The following GPR158 variants were observed in gnomAD, a reference collection of about 807,000 sequenced individuals.
GPR158 encodes metabotropic glycine receptor.
GPR158 carries 30 observed loss-of-function variants against 78.2 expected under a neutral mutation model. The observed-to-expected ratio is 0.38, with a 90% CI of 0.29 to 0.52. The LOEUF (loss-of-function observed/expected upper bound fraction) is 0.52, where lower values mean the gene tolerates loss of function less well. Among genes scored for constraint, GPR158 ranks in the 20% least tolerant of loss-of-function variants. The probability of loss-of-function intolerance (pLI) is 0.83; values close to 1 mark genes in which losing one functional copy is unlikely to be tolerated. For missense variants in GPR158, 1,463 were observed against 1,523.5 expected (o/e 0.96, Z 0.66); for synonymous variants, 581 against 591.1 (o/e 0.98, Z 0.25).
chr10:25,412,186 C>T lies in GPR158; in HGVS notation c.1112-64C>T, dbSNP rs560076818. 1,050 of 1,096,586 alleles carry T rather than the reference C, an allele frequency of 9.6e-4. 1 individual carries two copies. The highest frequency in any genetic ancestry group is 1.3e-3 in the Non-Finnish European group (937 of 709,862). The allele number at this position is 1,096,586 out of a possible 1,614,324, so 67.9% of individuals were successfully genotyped here. A position where few individuals can be genotyped will look rare whatever the true frequency, so the allele number is the denominator to read the frequency against. On this transcript the variant is annotated intron_variant, in intron 3 of 10. Transcript: ENST00000376351. ...GAGGAGTCACGGATGTCTTTTGACT[C>T]TATACTCAATCTTACCTACCTAAGA...
intron 2 of GPR158, among the ~76,000 whole-genome samples, chr10:25,377,299 T>G (rs181035420): frequency 2.0e-5 from 3 of 152,124 alleles, no homozygotes; most frequent in African/African-American, 7.2e-5. Flanking sequence ...TCATGTATGT[T>G]TGTTTCTGCA....
intron 8 of GPR158, among the ~76,000 whole-genome samples, chr10:25,593,406 A>T (rs1266094921): frequency 6.6e-6 from 1 of 152,088 alleles, no homozygotes; most frequent in Non-Finnish European, 1.5e-5. Flanking sequence ...TTAGGATGTT[A>T]ACTTTGCACA....
intron 4 of GPR158, among the ~76,000 whole-genome samples, chr10:25,465,830 G>T (rs1001549867): frequency 1.3e-5 from 2 of 152,170 alleles, no homozygotes; most frequent in East Asian, 3.9e-4. Flanking sequence ...AGAAATACAG[G>T]CAAGATCTCG....
intron 3 of GPR158, among the ~76,000 whole-genome samples, chr10:25,411,441 T>C (rs1326276545): frequency 6.6e-6 from 1 of 152,192 alleles, no homozygotes; most frequent in Non-Finnish European, 1.5e-5. Flanking sequence ...ATGAGATCCC[T>C]GATGAATGAA....
At chr10:25,596,531 A>G in intron 9 of GPR158, 112 bp from the exon 10 acceptor site, 2 of 692,244 alleles carry the variant, frequency 2.9e-6, no homozygotes, top group Non-Finnish European at 2.5e-6. Flanking sequence ...AGATAGATAG[A>G]TCTAGGTATA....
chr10:25,414,513 A>G (rs1834633890), intron 4 of GPR158, among the ~76,000 whole-genome samples: 1 of 152,184 alleles, frequency 6.6e-6, no homozygotes, highest in Non-Finnish European at 1.5e-5. Flanking sequence ...AATAAAGTGA[A>G]TGAACATAGA....
At chr10:25,576,987 A>AAAAAAAAG (rs10665400) in intron 7 of GPR158, among the ~76,000 whole-genome samples, 1 of 144,510 alleles carries the variant, frequency 6.9e-6, no homozygotes. Flanking sequence ...AAAAAAAAAA[A>AAAAAAAAG]GTCAGGGCAC....
intron 2 of GPR158, among the ~76,000 whole-genome samples, chr10:25,328,927 C>CAAAAAAAAAAAA (rs3054026): frequency 5.6e-5 from 5 of 89,072 alleles, no homozygotes; most frequent in African/African-American, 2.3e-4. Flanking sequence ...AACTTCATCA[C>CAAAAAAAAAAAA]AAAAAAAAAA....
At chr10:25,212,780 C>T (rs773352740) in intron 1 of GPR158, among the ~76,000 whole-genome samples, 56 of 151,716 alleles carry the variant, frequency 3.7e-4, no homozygotes, top group South Asian at 2.1e-4. Flanking sequence ...TACAGGCGCC[C>T]GCCACCATGT....
rs527659510 is a variant in GPR158, at chr10:25,514,706, G to C, written c.1405-36270G>C. 2.0e-5 allele frequency among the ~76,000 whole-genome samples: 3 copies of C among 152,242 alleles called. No individual in the cohort carries two copies. In the South Asian group the frequency reaches 6.2e-4, roughly 32 times the overall value. On this transcript the variant is annotated intron_variant, in intron 5 of 10. Transcript: ENST00000376351. ...CCTTTTAGCAGTTCTTGTAGTGCTG[G>C]CTTGGTTGTGAATTCTCTTAGCATT...
At chr10:25,185,260 A>C (rs866428040) in intron 1 of GPR158, among the ~76,000 whole-genome samples, 2 of 152,316 alleles carry the variant, frequency 1.3e-5, no homozygotes, top group African/African-American at 4.8e-5. Flanking sequence ...GTGTGTGCAT[A>C]TATTTATGCT....
chr10:25,596,229 G>A (rs1259051229), intron 9 of GPR158, among the ~76,000 whole-genome samples: 1 of 152,178 alleles, frequency 6.6e-6, no homozygotes, highest in Non-Finnish European at 1.5e-5. Flanking sequence ...GGTGTAACCA[G>A]TGGCGTATGA....
In GPR158 at chr10:25,494,551, G is replaced by T. The variant is rs576201364; in HGVS notation, c.1404+27832G>T. Among the ~76,000 whole-genome samples the T allele has an allele frequency of 5.3e-5, 8 of 152,248 alleles. No homozygotes were observed. The South Asian group carries it at 1.4e-3, about 28-fold the overall frequency. The stretch of plus-strand genomic sequence containing the variant: ...ATTCCTTTATCATTTACCTGTAGGC[G>T]TAAGTATTCAGCAACATTACAGCTT... On this transcript the variant is annotated intron_variant, in intron 5 of 10. Transcript: ENST00000376351.
chr10:25,232,310 A>G (rs1853459324), intron 2 of GPR158, among the ~76,000 whole-genome samples: 2 of 152,196 alleles, frequency 1.3e-5, no homozygotes, highest in Admixed American at 6.5e-5. Flanking sequence ...AAATCCCATT[A>G]TGACAGCAAA....
intron 2 of GPR158, among the ~76,000 whole-genome samples, chr10:25,283,802 G>A: frequency 6.6e-6 from 1 of 151,868 alleles, no homozygotes; most frequent in Non-Finnish European, 1.5e-5. Flanking sequence ...TTGATATATT[G>A]TATTTTTATT....
chr10:25,261,792 T>C (rs181557605), intron 2 of GPR158, among the ~76,000 whole-genome samples: 4 of 152,196 alleles, frequency 2.6e-5, no homozygotes, highest in Admixed American at 2.6e-4. Flanking sequence ...TTGGAGCTAA[T>C]AGAAAGGGAG....
intron 7 of GPR158, among the ~76,000 whole-genome samples, chr10:25,576,604 A>G (rs2130735876): frequency 6.6e-6 from 1 of 152,324 alleles, no homozygotes; most frequent in Admixed American, 6.5e-5. Context: ...AAGAAAATGA[A>G]GATTCATAGC....
intron 2 of GPR158, among the ~76,000 whole-genome samples, chr10:25,275,723 A>T (rs1311498583): frequency 1.3e-5 from 2 of 152,208 alleles, no homozygotes; most frequent in East Asian, 3.9e-4. Context: ...TATTATTTTT[A>T]AAAATTCATA....
chr10:25,396,020 G>T lies in GPR158; in HGVS notation c.1111+7G>T, dbSNP rs1834358751. On this transcript the variant is annotated splice_region_variant and intron_variant, in intron 3 of 10. Coordinates refer to ENST00000376351, the MANE Select transcript of GPR158 (RefSeq NM_020752.3). ...CCAGTGAACAACTTTCGGAGTAAGTGCCCTTTGTTTCTATGTATATATATG... is the reference window on the plus strand; with the variant it reads ...CCAGTGAACAACTTTCGGAGTAAGTTCCCTTTGTTTCTATGTATATATATG... The T allele has an allele frequency of 7.2e-7, 1 of 1,387,130 alleles. No individual in the cohort carries two copies. The highest frequency in any genetic ancestry group is 1.0e-6 in the Non-Finnish European group (1 of 973,702). The allele number at this position is 1,387,130 out of a possible 1,614,324, so 85.9% of individuals were successfully genotyped here.
Sources: gnomAD v4.1 joint callset for allele counts (sites outside exome capture counted in the v4.1 genomes callset) on GRCh38, gnomAD v4.1.1 for gene constraint, MANE v1.5 for transcripts, NCBI Gene and HGNC (gene_info 2026-07-23, HGNC 2026-07-21) for gene names.